PPP2R2B: variants seen among roughly 807,000 people sequenced by gnomAD.
The protein encoded by PPP2R2B is protein phosphatase 2 regulatory subunit Bbeta.
Under a neutral mutation model 46.0 loss-of-function variants are expected in PPP2R2B, and 5 were observed. The observed-to-expected ratio is 0.11, with a 90% CI of 0.06 to 0.23. The LOEUF (loss-of-function observed/expected upper bound fraction) is 0.23. PPP2R2B is among the 10% of genes least tolerant of loss of function. PPP2R2B has a pLI of 1.00. For missense variants in PPP2R2B, 367 were observed against 575.0 expected (o/e 0.64, Z 3.70); for synonymous variants, 215 against 206.7 (o/e 1.04, Z -0.34).
intron 2 of PPP2R2B, among the ~76,000 whole-genome samples, chr5:146,787,329 A>T (rs964490316): frequency 6.6e-6 from 1 of 152,214 alleles, no homozygotes; most frequent in African/African-American, 2.4e-5. Flanking sequence ...CACTGTGGCC[A>T]CAGGATCAGA....
At chr5:146,796,572 C>G (rs2151300186) in intron 2 of PPP2R2B, among the ~76,000 whole-genome samples, 1 of 152,290 alleles carries the variant, frequency 6.6e-6, no homozygotes, top group East Asian at 1.9e-4. Flanking sequence ...AGATAAGCCA[C>G]AGAATATACT....
chr5:146,801,433 C>T (rs1267846652), intron 2 of PPP2R2B, among the ~76,000 whole-genome samples: 1 of 151,970 alleles, frequency 6.6e-6, no homozygotes, highest in Non-Finnish European at 1.5e-5. Context: ...AGTTGTATAC[C>T]TTAAATATAC....
intron 1 of PPP2R2B, among the ~76,000 whole-genome samples, chr5:146,957,258 T>C (rs1459660023): frequency 6.6e-5 from 10 of 152,224 alleles, no homozygotes; most frequent in African/African-American, 2.2e-4. Context: ...TGCCCAGCAA[T>C]TCTGATTTAG....
chr5:146,901,441 G>T (rs1358736075), intron 1 of PPP2R2B, among the ~76,000 whole-genome samples: 1 of 152,080 alleles, frequency 6.6e-6, no homozygotes, highest in Non-Finnish European at 1.5e-5. Context: ...CAAGGCTTCA[G>T]TGAGCTGTGT....
chr5:146,657,152 G>A (rs1776384978), intron 5 of PPP2R2B, among the ~76,000 whole-genome samples: 1 of 152,122 alleles, frequency 6.6e-6, no homozygotes, highest in Admixed American at 6.6e-5. Context: ...AGCCCCTGAA[G>A]CCTCCACTTT....
At chr5:146,678,183 G>T (rs1337236512) in intron 5 of PPP2R2B, among the ~76,000 whole-genome samples, 3 of 152,032 alleles carry the variant, frequency 2.0e-5, no homozygotes, top group Non-Finnish European at 4.4e-5. Flanking sequence ...ACCTCAAAAA[G>T]CTTATCCACC....
intron 2 of PPP2R2B, among the ~76,000 whole-genome samples, chr5:147,069,783 C>CTTTTTTTTTTT (rs1561611794): frequency 1.7e-4 from 8 of 48,420 alleles, no homozygotes; most frequent in African/African-American, 7.1e-4. Flanking sequence ...ACATTTTATA[C>CTTTTTTTTTTT]TGTTTTTTTT....
intron 1 of PPP2R2B, among the ~76,000 whole-genome samples, chr5:146,990,618 A>G (rs1580764098): frequency 6.6e-6 from 1 of 152,204 alleles, no homozygotes; most frequent in African/African-American, 2.4e-5. Context: ...AACTATTAGT[A>G]GAAAATATAG....
intron 2 of PPP2R2B, among the ~76,000 whole-genome samples, chr5:146,868,866 T>A (rs986884354): frequency 6.6e-6 from 1 of 152,260 alleles, no homozygotes; most frequent in African/African-American, 2.4e-5. Flanking sequence ...TGGAATCAGA[T>A]AGACCTGGAT....
At chr5:146,631,229 T>C (rs1774404938) in intron 7 of PPP2R2B, among the ~76,000 whole-genome samples, 1 of 152,170 alleles carries the variant, frequency 6.6e-6, no homozygotes, top group Non-Finnish European at 1.5e-5. Flanking sequence ...AGGCACCCGG[T>C]GGGGCTCTTC....
At chr5:146,963,801 T>C (rs1752285593) in intron 1 of PPP2R2B, among the ~76,000 whole-genome samples, 1 of 152,232 alleles carries the variant, frequency 6.6e-6, no homozygotes, top group African/African-American at 2.4e-5. Context: ...AATTCTGGCT[T>C]TGTTTAATGA....
intron 2 of PPP2R2B, chr5:146,706,849 C>A: frequency 8.9e-7 from 1 of 1,119,650 alleles, no homozygotes; most frequent in South Asian, 1.2e-5. Context: ...TGATGCTGTC[C>A]GTGTCCAGGG....
intron 2 of PPP2R2B, among the ~76,000 whole-genome samples, chr5:146,867,645 G>A (rs192264811): frequency 1.2e-4 from 19 of 152,228 alleles, no homozygotes; most frequent in African/African-American, 4.3e-4. Flanking sequence ...GAGCCAGGTG[G>A]GCTCTGATTC....
chr5:146,712,021 G>A (rs946435143), intron 2 of PPP2R2B, among the ~76,000 whole-genome samples: 10 of 152,170 alleles, frequency 6.6e-5, no homozygotes, highest in African/African-American at 2.4e-4. Context: ...TTGTTAAACT[G>A]TAGGTGGGCC....
At chr5:146,951,497 C>T (rs1266328055) in intron 1 of PPP2R2B, among the ~76,000 whole-genome samples, 1 of 151,976 alleles carries the variant, frequency 6.6e-6, no homozygotes, top group Non-Finnish European at 1.5e-5. Context: ...TTTCCTGATG[C>T]TCTCCCCCAT....
At chr5:147,031,892 G>A (rs904159539) in intron 1 of PPP2R2B, among the ~76,000 whole-genome samples, 2 of 152,014 alleles carry the variant, frequency 1.3e-5, no homozygotes, top group African/African-American at 2.4e-5. Flanking sequence ...TTCAAAAATC[G>A]ACTCAAGATG....
chr5:147,064,835 T>G (rs1757372923), intron 2 of PPP2R2B, among the ~76,000 whole-genome samples: 1 of 152,218 alleles, frequency 6.6e-6, no homozygotes, highest in East Asian at 1.9e-4. Context: ...CTATAAGGCA[T>G]TCCATAAACC....
intron 7 of PPP2R2B, among the ~76,000 whole-genome samples, chr5:146,621,039 C>T (rs1289703407): frequency 2.0e-5 from 3 of 152,242 alleles, no homozygotes; most frequent in African/African-American, 4.8e-5. Flanking sequence ...CAGTGATCTC[C>T]CTGCAGAGCA....
chr5:146,721,241 C>T (rs539658066), intron 2 of PPP2R2B, among the ~76,000 whole-genome samples: 3 of 152,258 alleles, frequency 2.0e-5, no homozygotes, highest in South Asian at 2.1e-4. Context: ...TTCTGCATCA[C>T]CCACTGTTGA....
Sources: allele counts gnomAD v4.1 joint callset (sites outside exome capture counted in the v4.1 genomes callset), GRCh38; gene constraint gnomAD v4.1.1; transcripts MANE v1.5; gene names NCBI Gene and HGNC (gene_info 2026-07-23, HGNC 2026-07-21).